Variants in CSMD3 observed in about 807,000 individuals in gnomAD.
CSMD3 encodes the protein CUB and Sushi multiple domains 3, also known as CUB and sushi domain-containing protein 3.
A neutral mutation model predicts 435.2 loss-of-function variants in CSMD3; 177 were observed. The ratio of observed to expected loss-of-function variants is 0.41; its 90% CI spans 0.36 to 0.46. The LOEUF is 0.46. Among genes scored for constraint, CSMD3 ranks in the 20% least tolerant of loss-of-function variants. CSMD3 has a pLI of 0.34. For missense variants in CSMD3, 4,265 were observed against 4,504.6 expected (o/e 0.95, Z 1.52); for synonymous variants, 1,656 against 1,520.5 (o/e 1.09, Z -2.07).
intron 27 of CSMD3, among the ~76,000 whole-genome samples, chr8:112,527,450 A>T (rs1266584283): frequency 6.6e-6 from 1 of 151,994 alleles, no homozygotes; most frequent in East Asian, 1.9e-4. Context: ...TAAAAGTAAG[A>T]GATAAAAAGA....
chr8:113,371,724 G>A (rs2094347074), intron 1 of CSMD3, among the ~76,000 whole-genome samples: 1 of 152,168 alleles, frequency 6.6e-6, no homozygotes, highest in Non-Finnish European at 1.5e-5. Context: ...AAGCAGGGAA[G>A]AATAGTGTCA....
chr8:113,052,343 T>TC, intron 5 of CSMD3, among the ~76,000 whole-genome samples: 1 of 152,342 alleles, frequency 6.6e-6, no homozygotes, highest in Admixed American at 6.5e-5. Flanking sequence ...CTTAAAAACT[T>TC]ACATCTTCTA....
intron 22 of CSMD3, among the ~76,000 whole-genome samples, chr8:112,600,188 C>T (rs1832200876): frequency 6.6e-6 from 1 of 151,772 alleles, no homozygotes; most frequent in Non-Finnish European, 1.5e-5. Flanking sequence ...ATTTAAATTC[C>T]ATGTACACTA....
At chr8:113,060,560 C>A (rs947854007) in intron 5 of CSMD3, among the ~76,000 whole-genome samples, 1 of 152,080 alleles carries the variant, frequency 6.6e-6, no homozygotes, top group Non-Finnish European at 1.5e-5. Flanking sequence ...ACTATAGACA[C>A]AAATATAGTA....
intron 17 of CSMD3, among the ~76,000 whole-genome samples, chr8:112,660,224 AAT>A (rs1025972333): frequency 6.6e-6 from 1 of 152,192 alleles, no homozygotes; most frequent in African/African-American, 2.4e-5. Context: ...CTTTAGAAAT[AAT>A]ATTCGATTTC....
chr8:112,701,668 T>C (rs902581746), intron 13 of CSMD3, among the ~76,000 whole-genome samples: 1 of 152,178 alleles, frequency 6.6e-6, no homozygotes, highest in South Asian at 2.1e-4. Context: ...TGAAGGTAAC[T>C]TGGGAACTAT....
At chr8:112,647,323 T>G (rs1001806467) in intron 19 of CSMD3, among the ~76,000 whole-genome samples, 1 of 146,774 alleles carries the variant, frequency 6.8e-6, no homozygotes, top group South Asian at 2.1e-4. Context: ...TTTTTTGAGA[T>G]GGAATCTCGC....
Position 112,492,603 on chromosome 8 carries a change from T to C in CSMD3, c.5164A>G (p.Thr1722Ala), listed in dbSNP as rs1279905007. 2 of 1,613,470 alleles carry C rather than the reference T, an allele frequency of 1.2e-6. No homozygotes were observed. Among genetic ancestry groups the C allele is most frequent in the Non-Finnish European group, 1.7e-6 (2 of 1,179,496 alleles). ...RLGMDYKLGS[T>A]VTYYCDAGYV... ...CCAGCATCACAGTAATAGGTGACTG[T>C]TGACCCTAATTTATAATCCATTCCA... is the stretch of plus-strand genomic sequence containing the variant. The change falls in exon 31 of 71, where the codon ACA (threonine) becomes GCA (alanine). Residue 1722 changes from threonine to alanine, a missense_variant. Thr to Ala is a moderately conservative substitution (Grantham distance 58, BLOSUM62 0). This residue lies in a region of CSMD3 where 3,255 missense variants were observed against 3,380.2 expected (regional missense o/e 0.96). Coordinates refer to ENST00000297405, the MANE Select transcript of CSMD3 (RefSeq NM_198123.2).
At chr8:113,082,656 A>AT (rs1404463161) in intron 5 of CSMD3, among the ~76,000 whole-genome samples, 1 of 152,160 alleles carries the variant, frequency 6.6e-6, no homozygotes, top group East Asian at 1.9e-4. Context: ...CAAAATAATA[A>AT]TTTTAAGGAA....
chr8:113,196,080 C>A (rs186803786), intron 3 of CSMD3, among the ~76,000 whole-genome samples: 15 of 151,022 alleles, frequency 9.9e-5, no homozygotes, highest in African/African-American at 3.6e-4. Flanking sequence ...CTTTCTCACT[C>A]CACGAGATAC....
intron 13 of CSMD3, among the ~76,000 whole-genome samples, chr8:112,753,077 C>T (rs762886391): frequency 6.6e-6 from 1 of 151,994 alleles, no homozygotes; most frequent in Non-Finnish European, 1.5e-5. Context: ...AGGCACATGC[C>T]ACCACATCCA....
intron 4 of CSMD3, among the ~76,000 whole-genome samples, chr8:113,145,510 T>A (rs542821304): frequency 1.3e-5 from 2 of 151,612 alleles, no homozygotes; most frequent in African/African-American, 4.8e-5. Flanking sequence ...AAATTTTTAC[T>A]ATTTGTCATG....
intron 13 of CSMD3, among the ~76,000 whole-genome samples, chr8:112,721,363 T>A (rs979702389): frequency 2.6e-4 from 40 of 151,924 alleles, no homozygotes; most frequent in African/African-American, 9.4e-4. Flanking sequence ...TCACCTGAGG[T>A]CAGGAGTTTC....
intron 10 of CSMD3, among the ~76,000 whole-genome samples, chr8:112,911,268 C>T: frequency 2.3e-5 from 1 of 42,800 alleles, no homozygotes. Flanking sequence ...TTTAAAATAT[C>T]TCCAGCTTAT....
chr8:112,370,915 A>G (rs2131178492), intron 38 of CSMD3, among the ~76,000 whole-genome samples: 1 of 152,322 alleles, frequency 6.6e-6, no homozygotes, highest in Non-Finnish European at 1.5e-5. Flanking sequence ...TTGTTGAATG[A>G]ATGAAGATAT....
At chr8:112,240,289 TAC>T (rs1364252642) in intron 66 of CSMD3, among the ~76,000 whole-genome samples, 3 of 152,096 alleles carry the variant, frequency 2.0e-5, no homozygotes. Context: ...GCAATTTTTT[TAC>T]AGATTTGATG....
intron 25 of CSMD3, among the ~76,000 whole-genome samples, chr8:112,553,490 TGCTC>T (rs1827859186): frequency 1.3e-5 from 2 of 152,064 alleles, no homozygotes; most frequent in Non-Finnish European, 2.9e-5. Context: ...GTTAGCATAT[TGCTC>T]TACGTCTTTA....
intron 3 of CSMD3, among the ~76,000 whole-genome samples, chr8:113,189,383 T>C (rs975586471): frequency 1.1e-4 from 16 of 151,792 alleles, no homozygotes; most frequent in Non-Finnish European, 2.1e-4. Context: ...TCCAACTGTA[T>C]TTCAGGCTTT....
At chr8:112,986,673 A>T (rs1255942476) in intron 6 of CSMD3, among the ~76,000 whole-genome samples, 1 of 152,102 alleles carries the variant, frequency 6.6e-6, no homozygotes, top group African/African-American at 2.4e-5. Flanking sequence ...TACATATAAA[A>T]AAGTCAGCTT....
Sources: gnomAD v4.1 joint callset for allele counts (sites outside exome capture counted in the v4.1 genomes callset) on GRCh38, gnomAD v4.1.1 for gene constraint, gnomAD v4.1.1 regional missense constraint, MANE v1.5 for transcripts, NCBI Gene and HGNC (gene_info 2026-07-23, HGNC 2026-07-21) for gene names.